PCSK6: variants seen among roughly 807,000 people sequenced by gnomAD.
PCSK6 encodes the protein paired basic amino acid cleaving enzyme 4.
A neutral mutation model predicts 123.3 loss-of-function variants in PCSK6; 85 were observed. The ratio of observed to expected loss-of-function variants is 0.69; its 90% CI spans 0.58 to 0.83. The LOEUF is 0.83. PCSK6 is among the 40% of genes least tolerant of loss of function. PCSK6 has a pLI of 0.00. For synonymous variants in PCSK6, 508 were observed against 516.0 expected, an observed-to-expected ratio of 0.98 and a Z score of 0.21; for missense variants, 1,191 against 1,282.3, an observed-to-expected ratio of 0.93 and a Z score of 1.09.
chr15:101,458,214 C>T (rs1436519060), intron 1 of PCSK6, among the ~76,000 whole-genome samples: 3 of 152,184 alleles, frequency 2.0e-5, no homozygotes, highest in African/African-American at 7.2e-5. Flanking sequence ...AGCAAGTTCA[C>T]CCAACTATTT....
chr15:101,485,672 C>T (rs2058003313), intron 1 of PCSK6, among the ~76,000 whole-genome samples: 1 of 152,194 alleles, frequency 6.6e-6, no homozygotes, highest in African/African-American at 2.4e-5. Flanking sequence ...AACTCTTCAG[C>T]TCACACATAC....
intron 6 of PCSK6, among the ~76,000 whole-genome samples, chr15:101,405,724 G>T (rs1296831866): frequency 3.3e-5 from 5 of 150,552 alleles, no homozygotes; most frequent in Non-Finnish European, 7.4e-5. Context: ...GTAGTGACCT[G>T]TCTTTCCTCC....
rs142738667 is a variant in PCSK6 at position 101,445,482 on chromosome 15, T to G, written c.298-1822A>C. On this transcript the variant is annotated intron_variant, in intron 1 of 21. Transcript: ENST00000611716. The stretch of plus-strand genomic sequence containing the variant: ...TGATTCTCACATTTTTCTGCCATCA[T>G]AAACCTCATTATTTCTGCCCTATTT... Among the ~76,000 whole-genome samples, 1,117 of 152,336 alleles carry G rather than the reference T, an allele frequency of 7.3e-3. 17 individuals carry two copies. The highest frequency in any genetic ancestry group is 0.025 in the African/African-American group (1,044 of 41,594).
chr15:101,481,957 G>GC, intron 1 of PCSK6, among the ~76,000 whole-genome samples: 1 of 152,336 alleles, frequency 6.6e-6, no homozygotes, highest in Middle Eastern at 3.4e-3. Flanking sequence ...CCGAGACAGA[G>GC]CCATGCTGGT....
chr15:101,398,700 TC>T lies in PCSK6; in HGVS notation c.824-125del. 9.7e-7 allele frequency: 1 copy of T among 1,030,550 alleles called. No individual in the cohort carries two copies. The highest frequency in any genetic ancestry group is 1.4e-6 in the Non-Finnish European group (1 of 729,732). The allele number at this position is 1,030,550 out of a possible 1,614,324, so 63.8% of individuals were successfully genotyped here. ...AGAGTCCCTCCCCAGCAGGGGCTGT[TC>T]CCAGTCATTCTGCAAAACTGGCTCC... is the stretch of plus-strand genomic sequence containing the variant. On this transcript the variant is annotated intron_variant, in intron 6 of 21. Transcript: ENST00000611716. The surrounding 1 kb of genome is among the most constrained non-coding windows in gnomAD (Gnocchi z 4.6).
intron 1 of PCSK6, among the ~76,000 whole-genome samples, chr15:101,457,193 A>T (rs1332446163): frequency 6.6e-6 from 1 of 151,718 alleles, no homozygotes; most frequent in Non-Finnish European, 1.5e-5. Context: ...AATAAATAAA[A>T]ATAAATAAAT....
chr15:101,438,784 T>A (rs1199534179), intron 2 of PCSK6, among the ~76,000 whole-genome samples: 1 of 152,134 alleles, frequency 6.6e-6, no homozygotes, highest in Non-Finnish European at 1.5e-5. Flanking sequence ...GTGCTCCTAC[T>A]CTAGGGCCAG....
intron 6 of PCSK6, among the ~76,000 whole-genome samples, chr15:101,426,479 G>C (rs1304931924): frequency 1.3e-5 from 2 of 152,196 alleles, no homozygotes; most frequent in African/African-American, 4.8e-5. Flanking sequence ...CAGTTTGCAA[G>C]AACTATCCAC....
At chr15:101,425,108 C>T (rs1337260487) in intron 6 of PCSK6, among the ~76,000 whole-genome samples, 1 of 152,144 alleles carries the variant, frequency 6.6e-6, no homozygotes, top group Non-Finnish European at 1.5e-5. Context: ...GAGCTTGACA[C>T]GGCAGGACTT....
chr15:101,428,858 C>A (rs147057033), intron 5 of PCSK6, among the ~76,000 whole-genome samples: 2 of 152,288 alleles, frequency 1.3e-5, no homozygotes, highest in Admixed American at 1.3e-4. Flanking sequence ...ATGGATGGCT[C>A]GGGATGGGAT....
intron 20 of PCSK6, among the ~76,000 whole-genome samples, chr15:101,311,370 G>A (rs2624985): frequency 0.13 from 18,537 of 146,268 alleles, 1,202 homozygotes; most frequent in South Asian, 0.18. Context: ...CAGGTGATCC[G>A]CCCACCTTGG....
At chr15:101,441,349 C>T (rs905205830) in intron 2 of PCSK6, among the ~76,000 whole-genome samples, 9 of 151,928 alleles carry the variant, frequency 5.9e-5, no homozygotes, top group Non-Finnish European at 1.0e-4. Flanking sequence ...GGTATGGTGG[C>T]CCTCAAGCCC....
rs952574234 is a variant in PCSK6, at chr15:101,369,571, T to C, written c.1721+764A>G. Among the ~76,000 whole-genome samples the C allele has an allele frequency of 2.0e-5, 3 of 152,224 alleles. No individual in the cohort carries two copies. In the East Asian group the frequency reaches 5.8e-4, roughly 29 times the overall value. ...GAAGCTGGAAATGCTGATTTGTCCA[T>C]GAAATTTCTTTACTCTCTCTACCTC... is the stretch of plus-strand genomic sequence containing the variant. On this transcript the variant is annotated intron_variant, in intron 12 of 21. Coordinates refer to ENST00000611716, the MANE Select transcript of PCSK6 (RefSeq NM_002570.5).
At chr15:101,347,362 A>T (rs549843189) in intron 13 of PCSK6, 1 of 1,237,540 alleles carries the variant, frequency 8.1e-7, no homozygotes, top group South Asian at 4.2e-5. Flanking sequence ...GGGAAAAAAG[A>T]CATTGTTGAA....
intron 11 of PCSK6, among the ~76,000 whole-genome samples, chr15:101,377,416 C>G (rs377578251): frequency 6.6e-6 from 1 of 152,314 alleles, no homozygotes; most frequent in South Asian, 2.1e-4. Flanking sequence ...AAGCAGCCTG[C>G]GGGAGCAGCT....
rs766576720 is a variant in PCSK6, at chr15:101,443,642, A to G, written c.316T>C (p.Tyr106His). Residue 106 changes from tyrosine to histidine, a missense_variant, in exon 2 of 22, where the codon TAC (tyrosine) becomes CAC (histidine). Around this residue, in one of 3 missense-constraint regions of PCSK6, gnomAD observed 204 missense variants for 166.4 expected, o/e 1.23. Coordinates refer to ENST00000611716, the MANE Select transcript of PCSK6 (RefSeq NM_002570.5). ...GTTTTGCTGTGATAAAAATGGTAGT[A>G]ATCTTCCAGGTTTCCAATCTGCAAG... Reference protein sequence around the residue: ...NLGQIGNLEDYYHFYHSKTFK... With the variant: ...NLGQIGNLEDHYHFYHSKTFK... 5 of 1,613,582 alleles carry G rather than the reference A, an allele frequency of 3.1e-6. No individual in the cohort carries two copies. Among genetic ancestry groups the G allele is most frequent in the Non-Finnish European group, 4.2e-6 (5 of 1,179,500 alleles).
At chr15:101,419,755 G>A (rs949719757) in intron 6 of PCSK6, among the ~76,000 whole-genome samples, 1 of 151,780 alleles carries the variant, frequency 6.6e-6, no homozygotes, top group African/African-American at 2.4e-5. Flanking sequence ...ACTGACTAAG[G>A]AAACGTAAGG....
At chr15:101,341,856 A>G (rs2040615432) in intron 13 of PCSK6, among the ~76,000 whole-genome samples, 1 of 152,164 alleles carries the variant, frequency 6.6e-6, no homozygotes. Flanking sequence ...TAATTTATTT[A>G]AAAGACAACA....
rs1240338374 is a variant in PCSK6 at position 101,304,473 on chromosome 15, C to T, written c.*785G>A. 5 of 152,072 alleles carry T rather than the reference C, an allele frequency of 3.3e-5. No homozygotes were observed. The East Asian group carries it at 7.7e-4, about 23-fold the overall frequency. The allele number at this position is 152,072 out of a possible 1,614,324, so 9.4% of individuals were successfully genotyped here. On this transcript the variant is annotated 3_prime_UTR_variant, in exon 22 of 22. Coordinates refer to ENST00000611716, the MANE Select transcript of PCSK6 (RefSeq NM_002570.5). ...CATCGGGGTACCTTTTGGCTGGCCACAGAATGCCTCCTGTTGCCTCTCCTC... is the reference window on the plus strand; with the variant it reads ...CATCGGGGTACCTTTTGGCTGGCCATAGAATGCCTCCTGTTGCCTCTCCTC...
Sources: gnomAD v4.1 joint callset for allele counts (sites outside exome capture counted in the v4.1 genomes callset) on GRCh38, gnomAD v4.1.1 for gene constraint, gnomAD v4.1.1 regional missense constraint, Gnocchi (gnomAD v3.1) non-coding constraint, MANE v1.5 for transcripts, NCBI Gene and HGNC (gene_info 2026-07-23, HGNC 2026-07-21) for gene names.